DLG2: variants seen among roughly 807,000 people sequenced by gnomAD.
DLG2 encodes discs large MAGUK scaffold protein 2.
A neutral mutation model predicts 132.5 loss-of-function variants in DLG2; 45 were observed. The observed-to-expected ratio is 0.34, with a 90% confidence interval of 0.27 to 0.44. The LOEUF (loss-of-function observed/expected upper bound fraction) is 0.44. DLG2 is among the 20% of genes least tolerant of loss of function. The pLI is 1.00. For synonymous variants in DLG2, 424 were observed against 419.6 expected, an observed-to-expected ratio of 1.01 and a Z score of -0.13; for missense variants, 1,045 against 1,196.9, an observed-to-expected ratio of 0.87 and a Z score of 1.87.
chr11:85,547,718 C>G (rs545078826), intron 3 of DLG2, among the ~76,000 whole-genome samples: 1 of 152,152 alleles, frequency 6.6e-6, no homozygotes, highest in East Asian at 1.9e-4. Context: ...TGTCTTCTCA[C>G]TTTATTTCAT....
In DLG2 at chr11:84,542,717, A is replaced by C. The variant is rs570144083; in HGVS notation, c.358-7986T>G. Among the ~76,000 whole-genome samples, 239 of 152,334 alleles carry C rather than the reference A, an allele frequency of 1.6e-3. 2 individuals carry two copies. Among genetic ancestry groups the C allele is most frequent in the African/African-American group, 5.4e-3 (225 of 41,578 alleles). ...GGATCCCTAAGGAAGAGGTAAGTGA[A>C]TCTCAGAAAAAAACAGAAAACCAAA... On this transcript the variant is annotated intron_variant, in intron 6 of 27. Coordinates refer to ENST00000376104, the MANE Select transcript of DLG2 (RefSeq NM_001142699.3).
chr11:85,396,276 C>G (rs935402339), intron 3 of DLG2, among the ~76,000 whole-genome samples: 1 of 152,072 alleles, frequency 6.6e-6, no homozygotes, highest in African/African-American at 2.4e-5. Context: ...CTTTAGGACA[C>G]CAGAATCAAA....
At chr11:83,953,222 T>A (rs1030830223) in intron 14 of DLG2, among the ~76,000 whole-genome samples, 3 of 152,198 alleles carry the variant, frequency 2.0e-5, no homozygotes, top group Non-Finnish European at 4.4e-5. Flanking sequence ...ATTAATATAG[T>A]AAACTCACCC....
At chr11:85,559,120 A>C (rs1262528937) in intron 3 of DLG2, among the ~76,000 whole-genome samples, 1 of 151,228 alleles carries the variant, frequency 6.6e-6, no homozygotes, top group East Asian at 1.9e-4. Flanking sequence ...GAATCCATTT[A>C]GTTCACATAT....
At chr11:85,517,465 C>A (rs946106731) in intron 3 of DLG2, among the ~76,000 whole-genome samples, 1 of 151,914 alleles carries the variant, frequency 6.6e-6, no homozygotes, top group African/African-American at 2.4e-5. Context: ...TAAACAGCAT[C>A]CAAATTGAAA....
At chr11:83,607,417 TG>T (rs538867703) in intron 19 of DLG2, among the ~76,000 whole-genome samples, 25 of 152,356 alleles carry the variant, frequency 1.6e-4, no homozygotes, top group African/African-American at 6.0e-4. Context: ...ATGGGCACTA[TG>T]GTGGGGTCTG....
intron 6 of DLG2, among the ~76,000 whole-genome samples, chr11:84,587,751 T>C (rs941294962): frequency 6.6e-6 from 1 of 152,184 alleles, no homozygotes; most frequent in Non-Finnish European, 1.5e-5. Flanking sequence ...TTCACTCCTA[T>C]GAATCTAAAG....
intron 6 of DLG2, among the ~76,000 whole-genome samples, chr11:84,824,622 C>A (rs746640775): frequency 6.6e-6 from 1 of 151,840 alleles, no homozygotes. Flanking sequence ...GACAGCTCAG[C>A]AAACTTGGTC....
At chr11:83,804,142 T>G (rs773249326) in intron 17 of DLG2, among the ~76,000 whole-genome samples, 6 of 152,074 alleles carry the variant, frequency 3.9e-5, no homozygotes, top group Non-Finnish European at 7.4e-5. Context: ...AACTCTTAAG[T>G]CCCCTCTTCC....
intron 3 of DLG2, among the ~76,000 whole-genome samples, chr11:85,559,853 T>C (rs1056205536): frequency 6.7e-6 from 1 of 150,234 alleles, no homozygotes; most frequent in African/African-American, 2.5e-5. Flanking sequence ...GATAGATAGA[T>C]AGATAGAGAT....
intron 7 of DLG2, among the ~76,000 whole-genome samples, chr11:84,406,043 C>G (rs1245768659): frequency 6.6e-6 from 1 of 152,136 alleles, no homozygotes; most frequent in Non-Finnish European, 1.5e-5. Context: ...CCCATCTTCC[C>G]TTCTTTTCTG....
chr11:84,522,746 A>G (rs964144172), intron 7 of DLG2, among the ~76,000 whole-genome samples: 2 of 152,234 alleles, frequency 1.3e-5, no homozygotes, highest in East Asian at 3.8e-4. Context: ...GACGCATTTA[A>G]AAATTGCCTT....
intron 6 of DLG2, among the ~76,000 whole-genome samples, chr11:85,097,187 G>A (rs558822245): frequency 1.1e-4 from 17 of 152,172 alleles, no homozygotes; most frequent in African/African-American, 4.1e-4. Flanking sequence ...TCCTGTCTCT[G>A]GTGCTTTTTT....
At chr11:84,374,427 T>G (rs1467978809) in intron 7 of DLG2, among the ~76,000 whole-genome samples, 1 of 152,198 alleles carries the variant, frequency 6.6e-6, no homozygotes, top group Non-Finnish European at 1.5e-5. Flanking sequence ...TGGCTTTGAA[T>G]GCAGTCCAAC....
chr11:83,483,282 C>A (rs778057078), intron 22 of DLG2: 2 of 1,612,976 alleles, frequency 1.2e-6, no homozygotes, highest in Non-Finnish European at 1.7e-6. Flanking sequence ...ACCGTCGTCA[C>A]CTAATCCGGG....
intron 18 of DLG2, among the ~76,000 whole-genome samples, chr11:83,657,923 CAG>C (rs796501745): frequency 3.9e-5 from 6 of 152,306 alleles, no homozygotes; most frequent in African/African-American, 1.4e-4. Context: ...AAAATAGACT[CAG>C]ATTTCTTTCA....
At chr11:85,022,604 C>T (rs1050184950) in intron 6 of DLG2, among the ~76,000 whole-genome samples, 4 of 151,938 alleles carry the variant, frequency 2.6e-5, no homozygotes, top group South Asian at 4.1e-4. Context: ...CTTTGAGCCA[C>T]GTTTTGTCTG....
chr11:85,529,152 T>C lies in DLG2; in HGVS notation c.40+69505A>G, dbSNP rs77657483. Among the ~76,000 whole-genome samples, 1,393 of 152,334 alleles carry C rather than the reference T, an allele frequency of 9.1e-3. 19 individuals are homozygous for C. The highest frequency in any genetic ancestry group is 0.03 in the African/African-American group (1,245 of 41,578). ...CAATTGTTGAGAGGTCGTTTGCAAG[T>C]TGTCATATCCCTCATTCCTGCTTTG... On this transcript the variant is annotated intron_variant, in intron 3 of 27. Coordinates refer to ENST00000376104, the MANE Select transcript of DLG2 (RefSeq NM_001142699.3).
intron 19 of DLG2, among the ~76,000 whole-genome samples, chr11:83,588,386 C>A (rs576978771): frequency 6.6e-5 from 10 of 152,008 alleles, no homozygotes; most frequent in East Asian, 1.9e-4. Flanking sequence ...TGACACCTCA[C>A]ACAGCAGGGT....
Sources: allele counts gnomAD v4.1 joint callset (sites outside exome capture counted in the v4.1 genomes callset), GRCh38; gene constraint gnomAD v4.1.1; transcripts MANE v1.5; gene names NCBI Gene and HGNC (gene_info 2026-07-23, HGNC 2026-07-21).